The following STK3 variants were observed in gnomAD, a reference collection of about 807,000 sequenced individuals.
STK3 encodes the protein serine/threonine-protein kinase 3.
Under a neutral mutation model 58.0 loss-of-function variants are expected in STK3, and 41 were observed. The ratio of observed to expected loss-of-function variants is 0.71; its 90% CI spans 0.55 to 0.92. The LOEUF (loss-of-function observed/expected upper bound fraction) is 0.92, where lower values mean the gene tolerates loss of function less well. Among genes scored for constraint, STK3 ranks in the 40% least tolerant of loss-of-function variants. The probability of loss-of-function intolerance (pLI) is 0.00; values close to 1 mark genes in which losing one functional copy is unlikely to be tolerated. For missense variants in STK3, 479 were observed against 602.7 expected (o/e 0.79, Z 2.15); for synonymous variants, 170 against 191.0 (o/e 0.89, Z 0.91).
At chr8:98,433,769 C>T (rs1414815044) in intron 3 of STK3, among the ~76,000 whole-genome samples, 1 of 152,190 alleles carries the variant, frequency 6.6e-6, no homozygotes, top group Non-Finnish European at 1.5e-5. Flanking sequence ...GTTTCATTTC[C>T]TCTTCAGCAG....
At chr8:98,496,750 G>A (rs1823165191) in intron 10 of STK3, among the ~76,000 whole-genome samples, 3 of 152,088 alleles carry the variant, frequency 2.0e-5, no homozygotes. Context: ...CCATTTATAT[G>A]AGGTATCTAA....
downstream of STK3, chr8:98,881,457 T>C (rs556747251): frequency 6.6e-6 from 1 of 152,312 alleles, no homozygotes; most frequent in Admixed American, 6.5e-5. Flanking sequence ...GTATATGTCA[T>C]TAGACATTTG....
chr8:98,585,637 T>G (rs562051726), intron 7 of STK3, among the ~76,000 whole-genome samples: 283 of 150,914 alleles, frequency 1.9e-3, no homozygotes, highest in African/African-American at 6.6e-3. Context: ...GTGAAGAAAG[T>G]CATTGGTAGC....
intron 3 of STK3, among the ~76,000 whole-genome samples, chr8:98,394,560 A>T (rs994525700): frequency 6.6e-6 from 1 of 152,218 alleles, no homozygotes; most frequent in African/African-American, 2.4e-5. Flanking sequence ...AAGTTTCAGC[A>T]GATTTGTTAC....
At chr8:98,360,509 TTC>T in the STK3 span, among the ~76,000 whole-genome samples, 2 of 145,736 alleles carry the variant, frequency 1.4e-5, no homozygotes, top group Admixed American at 1.4e-4. Flanking sequence ...TTGAGCCAAT[TTC>T]TTTCTTTTTT....
At chr8:98,556,254 T>C (rs558408236) in intron 8 of STK3, among the ~76,000 whole-genome samples, 1 of 152,202 alleles carries the variant, frequency 6.6e-6, no homozygotes, top group Admixed American at 6.5e-5. Context: ...CCCAGTAAGG[T>C]AGCACCCCAG....
Position 98,767,168 on chromosome 8 carries a change from G to T in STK3, c.236+75C>A, listed in dbSNP as rs1448651522. On this transcript the variant is annotated intron_variant, in intron 3 of 10. Coordinates refer to ENST00000419617, the MANE Select transcript of STK3 (RefSeq NM_006281.4). ...AATGAAAACTAAACAGATGATCAAA[G>T]AATAAATTTTGTTATATTTTATTAG... The T allele has an allele frequency of 5.0e-6, 7 of 1,410,460 alleles. No homozygotes were observed. In the Admixed American group the frequency reaches 1.2e-4, roughly 25 times the overall value. 87.4% of individuals were successfully genotyped at this position (1,410,460 alleles called of 1,614,324 possible).
At chr8:98,381,332 G>C (rs1233468129) in intron 1 of STK3, among the ~76,000 whole-genome samples, 2 of 152,128 alleles carry the variant, frequency 1.3e-5, no homozygotes, top group African/African-American at 4.8e-5. Flanking sequence ...GGGGCCCTGA[G>C]ATCTGCATTT....
intron 1 of STK3, among the ~76,000 whole-genome samples, chr8:98,885,330 T>C (rs1256770919): frequency 6.6e-6 from 1 of 152,266 alleles, no homozygotes; most frequent in African/African-American, 2.4e-5. Flanking sequence ...ACTAGCCATA[T>C]GGAAGCCAAA....
chr8:98,740,383 A>G (rs962956148), intron 4 of STK3, among the ~76,000 whole-genome samples: 1 of 152,258 alleles, frequency 6.6e-6, no homozygotes, highest in South Asian at 2.1e-4. Flanking sequence ...CCATCAGACT[A>G]ACAGCTGATC....
chr8:98,910,495 T>C lies in STK3; in HGVS notation c.-78-26661A>G, dbSNP rs550177639. ...ATAAGTTGTTATTCAAAACAAAATA[T>C]TGAGAAGGAAACTTCTATAGTGTGA... On this transcript the variant is annotated intron_variant, in intron 1 of 1. Coordinates refer to the STK3 transcript ENST00000519420. Among the ~76,000 whole-genome samples the C allele has an allele frequency of 6.6e-5, 10 of 152,324 alleles. No homozygotes were observed. The South Asian group carries it at 1.2e-3, about 19-fold the overall frequency.
At chr8:98,753,780 G>A (rs2131374424) in intron 3 of STK3, among the ~76,000 whole-genome samples, 1 of 152,198 alleles carries the variant, frequency 6.6e-6, no homozygotes, top group East Asian at 1.9e-4. Context: ...AGGTAGAACA[G>A]AGTGGTTGGA....
chr8:98,719,174 G>C (rs10955190), intron 4 of STK3, among the ~76,000 whole-genome samples: 46,503 of 151,976 alleles, frequency 0.31, 7,534 homozygotes, highest in Admixed American at 0.43. Flanking sequence ...TGGTGGTGCT[G>C]TCATGTGCAC....
intron 6 of STK3, among the ~76,000 whole-genome samples, chr8:98,641,412 T>C (rs905151483): frequency 1.3e-5 from 2 of 152,218 alleles, no homozygotes; most frequent in Admixed American, 6.5e-5. Context: ...TGAACCAATA[T>C]AGTGCCAAAA....
At chr8:98,867,016 CT>C (rs1837170432) in intron 3 of STK3, among the ~76,000 whole-genome samples, 1 of 151,984 alleles carries the variant, frequency 6.6e-6, no homozygotes, top group African/African-American at 2.4e-5. Context: ...GGAAGAGTGC[CT>C]TGATCCTGAA....
intron 10 of STK3, among the ~76,000 whole-genome samples, chr8:98,460,415 C>A (rs1462895000): frequency 6.6e-6 from 1 of 152,136 alleles, no homozygotes; most frequent in Non-Finnish European, 1.5e-5. Flanking sequence ...AAGGGACTTG[C>A]CTTGTCTCAG....
intron 2 of STK3, among the ~76,000 whole-genome samples, chr8:98,435,061 T>C (rs1336098208): frequency 3.9e-5 from 6 of 152,178 alleles, no homozygotes; most frequent in African/African-American, 1.4e-4. Context: ...GCCAGAGGGC[T>C]CCACAATCTG....
chr8:98,789,000 A>G (rs1488951780), intron 1 of STK3, among the ~76,000 whole-genome samples: 1 of 152,252 alleles, frequency 6.6e-6, no homozygotes, highest in African/African-American at 2.4e-5. Context: ...AAGATAGACC[A>G]TATGAGAGGC....
intron 4 of STK3, among the ~76,000 whole-genome samples, chr8:98,715,195 G>T (rs1265519725): frequency 1.3e-5 from 2 of 152,104 alleles, no homozygotes; most frequent in Non-Finnish European, 2.9e-5. Flanking sequence ...GAAAACCTAG[G>T]CAATACCATT....
Sources: allele counts gnomAD v4.1 joint callset (sites outside exome capture counted in the v4.1 genomes callset), GRCh38; gene constraint gnomAD v4.1.1; transcripts MANE v1.5; gene names NCBI Gene and HGNC (gene_info 2026-07-23, HGNC 2026-07-21).